The following EPHA6 variants were observed in gnomAD, a reference collection of about 807,000 sequenced individuals.
EPHA6 encodes EPH receptor A6, also known as ephrin type-A receptor 6.
A neutral mutation model predicts 112.0 loss-of-function variants in EPHA6; 50 were observed. That is an observed-to-expected ratio of 0.45 (90% CI 0.36 to 0.56). The LOEUF is 0.56. Among genes scored for constraint, EPHA6 ranks in the 20% least tolerant of loss-of-function variants. The pLI is 0.00. For missense variants in EPHA6, 1,280 were observed against 1,417.4 expected (o/e 0.90, Z 1.56); for synonymous variants, 529 against 490.7 (o/e 1.08, Z -1.03).
At chr3:96,853,033 G>A (rs925228382) in intron 1 of EPHA6, among the ~76,000 whole-genome samples, 4 of 151,994 alleles carry the variant, frequency 2.6e-5, no homozygotes, top group African/African-American at 7.2e-5. Context: ...TTTGACTTCC[G>A]CATTCAGAAA....
intron 5 of EPHA6, among the ~76,000 whole-genome samples, chr3:97,263,436 TACACACACACAC>T (rs34479594): frequency 5.6e-5 from 8 of 142,302 alleles, no homozygotes; most frequent in East Asian, 2.0e-4. Flanking sequence ...ATTAAAGGGA[TACACACACACAC>T]ACACACACAC....
intron 5 of EPHA6, among the ~76,000 whole-genome samples, chr3:97,263,341 A>G (rs866835625): frequency 3.3e-5 from 5 of 152,026 alleles, no homozygotes; most frequent in South Asian, 2.1e-4. Flanking sequence ...AGGCATTCAT[A>G]TATATTTGTT....
At chr3:97,084,498 C>T (rs1291506340) in intron 3 of EPHA6, among the ~76,000 whole-genome samples, 2 of 151,856 alleles carry the variant, frequency 1.3e-5, no homozygotes, top group East Asian at 1.9e-4. Context: ...TCTCACTGGG[C>T]GAAACGCAAC....
chr3:97,661,871 A>T (rs2094171817), intron 14 of EPHA6, among the ~76,000 whole-genome samples: 1 of 152,184 alleles, frequency 6.6e-6, no homozygotes, highest in South Asian at 2.1e-4. Flanking sequence ...TAGTCCTTGT[A>T]TACAAAGTGC....
At chr3:97,495,434 A>G (rs1287506413) in intron 10 of EPHA6, among the ~76,000 whole-genome samples, 1 of 151,884 alleles carries the variant, frequency 6.6e-6, no homozygotes, top group Non-Finnish European at 1.5e-5. Context: ...TATTCTTTAC[A>G]TGTCTATACA....
chr3:97,151,480 G>A (rs1310774867), intron 3 of EPHA6, among the ~76,000 whole-genome samples: 1 of 152,066 alleles, frequency 6.6e-6, no homozygotes, highest in African/African-American at 2.4e-5. Flanking sequence ...AGCACCCAAA[G>A]CCAAGCCAAG....
intron 5 of EPHA6, among the ~76,000 whole-genome samples, chr3:97,312,129 C>A (rs977036023): frequency 6.6e-6 from 1 of 151,564 alleles, no homozygotes; most frequent in Admixed American, 6.6e-5. Flanking sequence ...TGCACATGAA[C>A]CTTGTATCCT....
chr3:97,570,677 A>C (rs572654145), intron 11 of EPHA6, among the ~76,000 whole-genome samples: 68 of 152,152 alleles, frequency 4.5e-4, no homozygotes, highest in African/African-American at 1.6e-3. Flanking sequence ...TGCAGTAAGC[A>C]GAGATCACAC....
intron 2 of EPHA6, among the ~76,000 whole-genome samples, chr3:96,897,724 C>T (rs1156655509): frequency 6.6e-6 from 1 of 152,094 alleles, no homozygotes; most frequent in Non-Finnish European, 1.5e-5. Context: ...AATTAAAGTG[C>T]AATTTAGTGA....
At chr3:97,283,013 A>G (rs960473246) in intron 5 of EPHA6, among the ~76,000 whole-genome samples, 2 of 152,246 alleles carry the variant, frequency 1.3e-5, no homozygotes, top group Non-Finnish European at 2.9e-5. Flanking sequence ...TTTAAAAAAG[A>G]AAGACTGGCA....
chr3:97,692,717 A>T (rs1482392011), intron 14 of EPHA6, among the ~76,000 whole-genome samples: 2 of 152,198 alleles, frequency 1.3e-5, no homozygotes, highest in Non-Finnish European at 2.9e-5. Flanking sequence ...CTTTTCTGAA[A>T]CATTATGTTT....
chr3:97,261,550 CTATT>C (rs2079504028), intron 5 of EPHA6, among the ~76,000 whole-genome samples: 1 of 152,180 alleles, frequency 6.6e-6, no homozygotes, highest in East Asian at 1.9e-4. Flanking sequence ...TTGTTTTTCT[CTATT>C]TACATTCCTG....
intron 2 of EPHA6, among the ~76,000 whole-genome samples, chr3:96,897,647 C>A (rs2038354286): frequency 6.6e-6 from 1 of 152,092 alleles, no homozygotes; most frequent in Non-Finnish European, 1.5e-5. Flanking sequence ...CAAGTATAAA[C>A]AGAAAGTCGA....
At chr3:97,200,700 G>A (rs542175547) in intron 3 of EPHA6, among the ~76,000 whole-genome samples, 1 of 152,176 alleles carries the variant, frequency 6.6e-6, no homozygotes, top group African/African-American at 2.4e-5. Flanking sequence ...CTAAAATCTT[G>A]CTAGTGCTCA....
intron 14 of EPHA6, among the ~76,000 whole-genome samples, chr3:97,643,847 T>C (rs1406702332): frequency 1.3e-5 from 2 of 150,540 alleles, no homozygotes; most frequent in Admixed American, 6.6e-5. Context: ...TGGGAGACTT[T>C]AACACCCCAC....
intron 5 of EPHA6, among the ~76,000 whole-genome samples, chr3:97,372,099 A>T (rs1446344897): frequency 6.6e-6 from 1 of 151,996 alleles, no homozygotes; most frequent in Non-Finnish European, 1.5e-5. Context: ...GAAGCATGTG[A>T]TCTCTGTGAC....
intron 2 of EPHA6, among the ~76,000 whole-genome samples, chr3:96,949,608 C>T (rs993835001): frequency 6.6e-6 from 1 of 152,108 alleles, no homozygotes; most frequent in Non-Finnish European, 1.5e-5. Context: ...TGTAGGATTA[C>T]AATGGGTAAT....
intron 11 of EPHA6, among the ~76,000 whole-genome samples, chr3:97,585,926 T>G (rs1291019341): frequency 2.0e-5 from 3 of 152,244 alleles, no homozygotes; most frequent in Non-Finnish European, 4.4e-5. Context: ...ATTAAGTCAG[T>G]GAATGGATAA....
chr3:97,500,149 C>A (rs529466644), intron 10 of EPHA6, among the ~76,000 whole-genome samples: 1 of 152,172 alleles, frequency 6.6e-6, no homozygotes, highest in Admixed American at 6.6e-5. Flanking sequence ...GAGCTTAGGT[C>A]TACACAAGAT....
Sources: gnomAD v4.1 joint callset for allele counts (sites outside exome capture counted in the v4.1 genomes callset) on GRCh38, gnomAD v4.1.1 for gene constraint, MANE v1.5 for transcripts, NCBI Gene and HGNC (gene_info 2026-07-23, HGNC 2026-07-21) for gene names.